The following SLC39A11 variants were observed in gnomAD, a reference collection of about 807,000 sequenced individuals.
The protein encoded by SLC39A11 is solute carrier family 39 member 11.
SLC39A11 carries 33 observed loss-of-function variants against 36.1 expected under a neutral mutation model. The ratio of observed to expected loss-of-function variants is 0.91; its 90% CI spans 0.69 to 1.22. The LOEUF is 1.22. Ranked by LOEUF, SLC39A11 falls within the 50% of genes most tolerant of loss-of-function variation. SLC39A11 has a pLI of 0.00. For missense variants in SLC39A11, 432 were observed against 430.3 expected, an observed-to-expected ratio of 1.00 and a Z score of -0.03; for synonymous variants, 166 against 170.3, an observed-to-expected ratio of 0.97 and a Z score of 0.20.
intron 5 of SLC39A11, among the ~76,000 whole-genome samples, chr17:72,916,266 C>G (rs773081091): frequency 6.6e-6 from 1 of 152,156 alleles, no homozygotes; most frequent in Non-Finnish European, 1.5e-5. Context: ...TTGAAACCTT[C>G]TGTCAAGAGG....
intron 4 of SLC39A11, among the ~76,000 whole-genome samples, chr17:72,950,846 G>A (rs2085807490): frequency 6.6e-6 from 1 of 152,128 alleles, no homozygotes; most frequent in Admixed American, 6.5e-5. Flanking sequence ...AGAAGACACT[G>A]AGCACTGGGC....
At chr17:72,830,559 T>A (rs1026900550) in intron 6 of SLC39A11, among the ~76,000 whole-genome samples, 3 of 152,186 alleles carry the variant, frequency 2.0e-5, no homozygotes, top group Admixed American at 2.0e-4. Context: ...TGGCTTGGTT[T>A]CCTTTACAAC....
chr17:73,081,656 C>CAT (rs1440636826), intron 3 of SLC39A11, among the ~76,000 whole-genome samples: 74 of 49,312 alleles, frequency 1.5e-3, no homozygotes, highest in Middle Eastern at 0.011. Flanking sequence ...CACACACACA[C>CAT]ACACACACAC....
intron 7 of SLC39A11, among the ~76,000 whole-genome samples, chr17:72,660,093 A>G (rs1411594927): frequency 1.3e-5 from 2 of 152,098 alleles, no homozygotes; most frequent in East Asian, 3.9e-4. Flanking sequence ...AAATTCATTT[A>G]TTAGCCATCT....
At chr17:72,799,331 C>T (rs532497810) in intron 6 of SLC39A11, among the ~76,000 whole-genome samples, 34 of 152,278 alleles carry the variant, frequency 2.2e-4, no homozygotes, top group African/African-American at 8.2e-4. Context: ...GATTGTAAAA[C>T]ATGTCTGTTT....
intron 4 of SLC39A11, among the ~76,000 whole-genome samples, chr17:72,989,413 C>T (rs1330397783): frequency 6.6e-6 from 1 of 152,218 alleles, no homozygotes; most frequent in Non-Finnish European, 1.5e-5. Flanking sequence ...CTACTATCAT[C>T]CCTTATAACA....
At chr17:72,923,070 T>G (rs1254766994) in intron 5 of SLC39A11, among the ~76,000 whole-genome samples, 1 of 151,950 alleles carries the variant, frequency 6.6e-6, no homozygotes, top group African/African-American at 2.4e-5. Flanking sequence ...TGATTTTATC[T>G]TATCAGTCAG....
intron 7 of SLC39A11, among the ~76,000 whole-genome samples, chr17:72,708,141 A>G (rs1241388488): frequency 6.6e-6 from 1 of 152,180 alleles, no homozygotes; most frequent in South Asian, 2.1e-4. Context: ...GTGATGGTTA[A>G]TTTTATGTGT....
chr17:72,862,959 AACG>A (rs879222237), intron 5 of SLC39A11, among the ~76,000 whole-genome samples: 1 of 152,032 alleles, frequency 6.6e-6, no homozygotes, highest in Admixed American at 6.5e-5. Context: ...ACACAAAACA[AACG>A]ACAAGAAAAC....
chr17:72,693,513 A>G (rs1342878251), intron 7 of SLC39A11, among the ~76,000 whole-genome samples: 1 of 152,226 alleles, frequency 6.6e-6, no homozygotes, highest in Non-Finnish European at 1.5e-5. Flanking sequence ...AAATTAGATC[A>G]ATAAACTGTC....
intron 6 of SLC39A11, among the ~76,000 whole-genome samples, chr17:72,844,498 G>A (rs573705904): frequency 2.0e-5 from 3 of 152,096 alleles, no homozygotes; most frequent in Non-Finnish European, 2.9e-5. Context: ...GCAAAATCTT[G>A]CCTCAACCAA....
At chr17:72,967,691 C>G (rs2087112432) in intron 4 of SLC39A11, among the ~76,000 whole-genome samples, 1 of 152,168 alleles carries the variant, frequency 6.6e-6, no homozygotes, top group African/African-American at 2.4e-5. Context: ...GATTGCTTTT[C>G]TCTGACATGT....
At chr17:72,910,743 A>C (rs1379471603) in intron 5 of SLC39A11, among the ~76,000 whole-genome samples, 1 of 149,978 alleles carries the variant, frequency 6.7e-6, no homozygotes, top group East Asian at 2.0e-4. Flanking sequence ...CCTGGCCAAC[A>C]TGGTGAAACC....
chr17:72,962,219 T>C (rs543292250), intron 4 of SLC39A11, among the ~76,000 whole-genome samples: 1 of 152,274 alleles, frequency 6.6e-6, no homozygotes, highest in East Asian at 1.9e-4. Context: ...TGGATAAGAT[T>C]GTCACTGCTG....
chr17:72,870,805 A>G (rs908358683), intron 5 of SLC39A11, among the ~76,000 whole-genome samples: 1 of 152,216 alleles, frequency 6.6e-6, no homozygotes, highest in Non-Finnish European at 1.5e-5. Flanking sequence ...ATCTTTGGCA[A>G]TCCCCTCTTC....
At chr17:72,736,921 A>G (rs1356768045) in intron 6 of SLC39A11, among the ~76,000 whole-genome samples, 1 of 152,162 alleles carries the variant, frequency 6.6e-6, no homozygotes, top group Non-Finnish European at 1.5e-5. Context: ...CAACCTAGGA[A>G]TGATTTTTGT....
At chr17:72,906,599 G>A (rs1354987204) in intron 5 of SLC39A11, among the ~76,000 whole-genome samples, 2 of 152,210 alleles carry the variant, frequency 1.3e-5, no homozygotes, top group Non-Finnish European at 2.9e-5. Flanking sequence ...GATATACACT[G>A]AATCCTCCTG....
chr17:72,725,211 T>G (rs1210995903), intron 7 of SLC39A11, among the ~76,000 whole-genome samples: 1 of 152,226 alleles, frequency 6.6e-6, no homozygotes, highest in East Asian at 1.9e-4. Context: ...AACTGATTTT[T>G]GGGTGTCTGG....
At chr17:72,687,279 A>G (rs1246271403) in intron 7 of SLC39A11, among the ~76,000 whole-genome samples, 2 of 151,792 alleles carry the variant, frequency 1.3e-5, no homozygotes, top group African/African-American at 4.8e-5. Flanking sequence ...TTTTTTTTAG[A>G]CAGTCTCGCT....
Sources: gnomAD v4.1 joint callset for allele counts (sites outside exome capture counted in the v4.1 genomes callset) on GRCh38, gnomAD v4.1.1 for gene constraint, MANE v1.5 for transcripts, NCBI Gene and HGNC (gene_info 2026-07-23, HGNC 2026-07-21) for gene names.